Variants in CYP4F2 observed in about 807,000 individuals in gnomAD.
The protein encoded by CYP4F2 is cytochrome P450 4F2.
A neutral mutation model predicts 58.9 loss-of-function variants in CYP4F2; 58 were observed. The ratio of observed to expected loss-of-function variants is 0.98; its 90% CI spans 0.80 to 1.23. CYP4F2 has a LOEUF of 1.23. Ranked by LOEUF, CYP4F2 falls within the 50% of genes most tolerant of loss-of-function variation. The pLI is 0.00. For missense variants in CYP4F2, 616 were observed against 685.6 expected, an observed-to-expected ratio of 0.90 and a Z score of 1.13; for synonymous variants, 287 against 261.1, an observed-to-expected ratio of 1.10 and a Z score of -0.95.
chr19:15,888,271 T>G (rs1021678759), intron 7 of CYP4F2, among the ~76,000 whole-genome samples: 5 of 148,470 alleles, frequency 3.4e-5, no homozygotes, highest in African/African-American at 1.2e-4. Context: ...TAGACACAGA[T>G]AGACACAGAC....
At chr19:15,889,331 AG>A (rs2145008751) in intron 7 of CYP4F2, 91 bp downstream of exon 7, 1 of 1,604,580 alleles carries the variant, frequency 6.2e-7, no homozygotes, top group Admixed American at 1.7e-5. Context: ...ATGGCTCCCT[AG>A]TGCCCTCTTA....
intron 6 of CYP4F2, 152 bp from the exon 7 acceptor site, chr19:15,889,845 G>T: frequency 8.0e-7 from 1 of 1,242,306 alleles, no homozygotes; most frequent in Non-Finnish European, 1.1e-6. Context: ...ATCAGCATGA[G>T]ATTGATTCTC....
In CYP4F2 at chr19:15,879,594, G is replaced by C; in HGVS notation, c.1314+10C>G. The C allele has an allele frequency of 1.2e-6, 2 of 1,613,912 alleles. No individual in the cohort carries two copies. Among genetic ancestry groups the C allele is most frequent in the Non-Finnish European group, 1.7e-6 (2 of 1,179,936 alleles). On this transcript the variant is annotated intron_variant, in intron 11 of 12. Transcript: ENST00000221700. Reference sequence around the variant, plus strand: ...TGGAATGGACAAAAACAGAGAGAGGGGCCCCGCACCTCAGGGTCCGGCCAC... The same window carrying C: ...TGGAATGGACAAAAACAGAGAGAGGCGCCCCGCACCTCAGGGTCCGGCCAC...
Position 15,878,692 on chromosome 19 carries a change from G to C in CYP4F2, c.*79C>G. On this transcript the variant is annotated 3_prime_UTR_variant, in exon 13 of 13. Coordinates refer to ENST00000221700, the MANE Select transcript of CYP4F2 (RefSeq NM_001082.5). ...GATGGAATACAGGACTGTGGAACAG[G>C]GTCTTAGGGTAATTCTAGGCTTCAC... is the stretch of plus-strand genomic sequence containing the variant. The C allele has an allele frequency of 6.4e-7, 1 of 1,564,672 alleles. No homozygotes were observed. The highest frequency in any genetic ancestry group is 1.4e-5 in the African/African-American group (1 of 73,630).
At chr19:15,892,206 A>C in intron 5 of CYP4F2, 103 bp downstream of exon 5, 1 of 1,544,550 alleles carries the variant, frequency 6.5e-7, no homozygotes, top group Non-Finnish European at 8.8e-7. Context: ...GAGAAAGAGC[A>C]ATGGCCCAAT....
Position 15,878,942 on chromosome 19 carries a change from G to A in CYP4F2, c.1398-6C>T, listed in dbSNP as rs769319226. ...ACGTCTGCCCGATGCAGTTCCTAGG[G>A]GAGGGAGGTGGGAACTCTGACTGCA... is the stretch of plus-strand genomic sequence containing the variant. On this transcript the variant is annotated splice_polypyrimidine_tract_variant and splice_region_variant and intron_variant, in intron 12 of 12. Transcript: ENST00000221700. 9.3e-6 allele frequency: 15 copies of A among 1,612,362 alleles called. No individual in the cohort carries two copies. Among genetic ancestry groups the A allele is most frequent in the South Asian group, 5.5e-5 (5 of 90,848 alleles).
chr19:15,892,561 T>C lies in CYP4F2; in HGVS notation c.365A>G (p.Lys122Arg). ...NASAAIAPKD[K>R]FFYSFLEPWL... ...GGGCTCCAGGAAGCTGTAGAAGAAC[T>C]TGTCCTTTGGTGCAATGGCAGCTGA... Residue 122 changes from lysine to arginine, a missense_variant, in exon 4 of 13, where the codon AAG becomes AGG. Physicochemically the swap from Lys to Arg is conservative, Grantham distance 26 (BLOSUM62 2). Coordinates refer to ENST00000221700, the MANE Select transcript of CYP4F2 (RefSeq NM_001082.5). The C allele has an allele frequency of 6.2e-7, 1 of 1,614,054 alleles. No individual in the cohort carries two copies. Among genetic ancestry groups the C allele is most frequent in the Non-Finnish European group, 8.5e-7 (1 of 1,179,968 alleles).
In CYP4F2 at chr19:15,890,449, G is replaced by C; in HGVS notation, c.526-16C>G. On this transcript the variant is annotated splice_polypyrimidine_tract_variant and intron_variant, in intron 5 of 12. Transcript: ENST00000221700. The stretch of plus-strand genomic sequence containing the variant: ...GCCACTTGGCCTAGCCAGAGAAGGG[G>C]ACAGAGCTGGGGCAGGCTCCTTGCT... 1 of 1,613,738 alleles carries C rather than the reference G, an allele frequency of 6.2e-7. No individual in the cohort carries two copies. The highest frequency in any genetic ancestry group is 8.5e-7 in the Non-Finnish European group (1 of 1,179,774).
In CYP4F2 at chr19:15,884,637, GT is replaced by G. The variant is rs3093175; in HGVS notation, c.1115+1286del. On this transcript the variant is annotated intron_variant, in intron 9 of 12. Coordinates refer to ENST00000221700, the MANE Select transcript of CYP4F2 (RefSeq NM_001082.5). ...TTTATGCAGCAATAAAAAATTGTTT[GT>G]TAAAAATGCAGAAAAATTATTGGTT... 3.3e-3 allele frequency among the ~76,000 whole-genome samples: 497 copies of G among 152,246 alleles called. 3 individuals carry two copies. Among genetic ancestry groups the G allele is most frequent in the African/African-American group, 0.011 (469 of 41,550 alleles).
chr19:15,892,154 A>C (rs2089419764), intron 5 of CYP4F2, among the ~76,000 whole-genome samples, 155 bp downstream of exon 5: 1 of 152,078 alleles, frequency 6.6e-6, no homozygotes, highest in African/African-American at 2.4e-5. Context: ...TTAAGTAGGG[A>C]TTATTATCCC....
In CYP4F2 at chr19:15,878,493, T is replaced by C. The variant is rs1027567742; in HGVS notation, c.*278A>G. ...ACTGCTTCATTCCTTTTTATGGCTG[T>C]GTAATACTCCATTGTATGGATGGAC... On this transcript the variant is annotated 3_prime_UTR_variant, in exon 13 of 13. Transcript: ENST00000221700. 31 of 524,034 alleles carry C rather than the reference T, an allele frequency of 5.9e-5. No individual in the cohort carries two copies. The highest frequency in any genetic ancestry group is 1.0e-4 in the Non-Finnish European group (30 of 301,476). 32.5% of individuals were successfully genotyped at this position (524,034 alleles called of 1,614,324 possible). A position where few individuals can be genotyped will look rare whatever the true frequency, so the allele number is the denominator to read the frequency against.
At chr19:15,895,888 C>A (rs1332879530) in intron 2 of CYP4F2, among the ~76,000 whole-genome samples, 3 of 149,054 alleles carry the variant, frequency 2.0e-5, no homozygotes, top group Non-Finnish European at 4.5e-5. Context: ...TGCTTATCAT[C>A]TATTAATAGC....
chr19:15,896,164 C>A (rs1421253405), intron 2 of CYP4F2, among the ~76,000 whole-genome samples: 4 of 151,446 alleles, frequency 2.6e-5, no homozygotes, highest in Admixed American at 2.0e-4. Context: ...TATCTACCTA[C>A]GTGCCTGTCC....
In CYP4F2 at chr19:15,889,638, T is replaced by C; in HGVS notation, c.703A>G (p.Arg235Gly). The change falls in exon 7 of 13, where the codon AGA (arginine) becomes GGA (glycine). Residue 235 changes from arginine (R) to glycine (G), a missense_variant. Coordinates refer to ENST00000221700, the MANE Select transcript of CYP4F2 (RefSeq NM_001082.5). ...ATATGCAGGAGGATCTCATGGTGTC[T>C]TTTTGATACAAGGGCACTGAGCTCC... is the stretch of plus-strand genomic sequence containing the variant. ...ILELSALVSK[R>G]HHEILLHIDF... 1 of 1,614,180 alleles carries C rather than the reference T, an allele frequency of 6.2e-7. No individual in the cohort carries two copies. The highest frequency in any genetic ancestry group is 8.5e-7 in the Non-Finnish European group (1 of 1,180,028).
At position 15,898,053 on chromosome 19, in the gene CYP4F2, C is replaced by T. The variant is rs3093093; in HGVS notation, c.-29G>A. The T allele has an allele frequency of 1.2e-3, 231 of 195,534 alleles. 1 individual carries two copies. The highest frequency in any genetic ancestry group is 5.2e-3 in the African/African-American group (217 of 41,806). 12.1% of individuals were successfully genotyped at this position (195,534 alleles called of 1,614,324 possible). On this transcript the variant is annotated 5_prime_UTR_variant, in exon 1 of 13. Transcript: ENST00000221700. ...TCTGTCAGGAGCAGTCTGTCCCAGA[C>T]AACCTCCTCTCTCTGTCTGCTGGGA... is the stretch of plus-strand genomic sequence containing the variant.
chr19:15,890,550 C>T, intron 5 of CYP4F2, 117 bp from the exon 6 acceptor site: 2 of 1,481,148 alleles, frequency 1.4e-6, no homozygotes, highest in Non-Finnish European at 1.8e-6. Context: ...TCCCCAGGGA[C>T]CCCTCCCCAG....
At chr19:15,880,036 TA>T in intron 9 of CYP4F2, 139 bp from the exon 10 acceptor site, 2 of 1,551,972 alleles carry the variant, frequency 1.3e-6, no homozygotes, top group South Asian at 2.4e-5. Flanking sequence ...GTCGCAAGAA[TA>T]AAAATAGTGT....
chr19:15,891,957 T>A (rs2089418721), intron 5 of CYP4F2, among the ~76,000 whole-genome samples: 1 of 152,186 alleles, frequency 6.6e-6, no homozygotes, highest in Non-Finnish European at 1.5e-5. Context: ...TTAGCAAACA[T>A]AAACACTTAT....
chr19:15,892,484 G>C (rs748370664), intron 4 of CYP4F2, 45 bp downstream of exon 4: 1 of 1,613,886 alleles, frequency 6.2e-7, no homozygotes, highest in South Asian at 1.1e-5. Flanking sequence ...CCCTCCCCTG[G>C]CCCCCCAACG....
Sources: allele counts gnomAD v4.1 joint callset (sites outside exome capture counted in the v4.1 genomes callset), GRCh38; gene constraint gnomAD v4.1.1; transcripts MANE v1.5; gene names NCBI Gene and HGNC (gene_info 2026-07-23, HGNC 2026-07-21).